The following MELK variants were observed in gnomAD, a reference collection of about 807,000 sequenced individuals.
The protein encoded by MELK is maternal embryonic leucine zipper kinase, also known as pEg3 kinase.
In MELK, 81 loss-of-function variants were observed where a neutral mutation model predicts 85.0. The observed-to-expected ratio is 0.95, with a 90% CI of 0.80 to 1.15. MELK has a LOEUF of 1.15. Ranked by LOEUF, MELK falls within the 50% of genes most tolerant of loss-of-function variation. The pLI, the probability that MELK is intolerant of heterozygous loss-of-function variation, is 0.00. For synonymous variants in MELK, 252 were observed against 265.0 expected (o/e 0.95, Z 0.48); for missense variants, 754 against 777.5 (o/e 0.97, Z 0.36).
At chr9:36,591,158 C>T (rs1281919577) in intron 4 of MELK, among the ~76,000 whole-genome samples, 1 of 152,068 alleles carries the variant, frequency 6.6e-6, no homozygotes, top group Non-Finnish European at 1.5e-5. Context: ...TATAGTAGTA[C>T]ATTGTATTAC....
intron 3 of MELK, among the ~76,000 whole-genome samples, chr9:36,585,587 G>A (rs1699870706): frequency 6.6e-6 from 1 of 152,070 alleles, no homozygotes; most frequent in South Asian, 2.1e-4. Flanking sequence ...GATTACAGGT[G>A]TGAGCTACCA....
chr9:36,674,808 C>G (rs368498914), intron 16 of MELK, 26 bp from the exon 17 acceptor site: 41 of 1,413,442 alleles, frequency 2.9e-5, no homozygotes, highest in South Asian at 7.0e-5. Context: ...AAATTTACTT[C>G]TCATCTCTTC....
At chr9:36,631,654 C>T (rs1292486055) in intron 9 of MELK, among the ~76,000 whole-genome samples, 2 of 152,126 alleles carry the variant, frequency 1.3e-5, no homozygotes, top group Non-Finnish European at 2.9e-5. Context: ...TGGCCCACTA[C>T]AGCCTTGACC....
intron 1 of MELK, among the ~76,000 whole-genome samples, chr9:36,574,506 G>A (rs1821440914): frequency 6.6e-6 from 1 of 151,996 alleles, no homozygotes; most frequent in Admixed American, 6.5e-5. Context: ...GGGAGGCTGA[G>A]GCACGAGCAT....
In MELK at chr9:36,630,235, T is replaced by G. The variant is rs570470981; in HGVS notation, c.667-64T>G. On this transcript the variant is annotated intron_variant, in intron 8 of 17. Coordinates refer to ENST00000298048, the MANE Select transcript of MELK (RefSeq NM_014791.4). ...TTAAAAGTAAACCTCCAGCATGTTA[T>G]TACCTAAGGAATTTGTGTCAAGGCT... is the stretch of plus-strand genomic sequence containing the variant. 21 of 1,208,158 alleles carry G rather than the reference T, an allele frequency of 1.7e-5. No individual in the cohort carries two copies. In the South Asian group the frequency reaches 2.6e-4, roughly 15 times the overall value. 74.8% of individuals were successfully genotyped at this position (1,208,158 alleles called of 1,614,324 possible).
At position 36,633,173 on chromosome 9, in the gene MELK, T is replaced by C. The variant is rs2136568542; in HGVS notation, c.807T>C (p.Tyr269=). The change falls in exon 10 of 18, where the codon TAT becomes TAC. Residue 269 remains tyrosine (Y), a synonymous_variant. Transcript: ENST00000298048. ...CCTGGATCATGCAAGATTACAACTA[T>C]CCTGTTGAGTGGCAAAGCAAGAATC... ...NHPWIMQDYN[Y]PVEWQSKNPF... 2 of 1,600,836 alleles carry C rather than the reference T, an allele frequency of 1.2e-6. No homozygotes were observed. Among genetic ancestry groups the C allele is most frequent in the East Asian group, 4.5e-5 (2 of 44,748 alleles).
intron 8 of MELK, among the ~76,000 whole-genome samples, chr9:36,624,244 C>G (rs1827730048): frequency 6.6e-6 from 1 of 152,074 alleles, no homozygotes; most frequent in Non-Finnish European, 1.5e-5. Flanking sequence ...CCACCACACC[C>G]AGCTAATTTT....
At chr9:36,648,270 T>A (rs574293727) in intron 11 of MELK, among the ~76,000 whole-genome samples, 1 of 152,044 alleles carries the variant, frequency 6.6e-6, no homozygotes, top group Admixed American at 6.6e-5. Flanking sequence ...GTGGTATAAG[T>A]GGTAGTTGTC....
At chr9:36,656,262 C>T (rs1288211156) in intron 12 of MELK, among the ~76,000 whole-genome samples, 1 of 152,142 alleles carries the variant, frequency 6.6e-6, no homozygotes, top group Non-Finnish European at 1.5e-5. Context: ...GAAGTTGTTT[C>T]CCCTCCATCT....
At chr9:36,669,912 A>G (rs1355886188) in intron 15 of MELK, among the ~76,000 whole-genome samples, 1 of 152,108 alleles carries the variant, frequency 6.6e-6, no homozygotes, top group African/African-American at 2.4e-5. Flanking sequence ...AGGGTATTAG[A>G]TGATATTATG....
chr9:36,609,447 CTTTTTTT>C (rs58390406), intron 8 of MELK, among the ~76,000 whole-genome samples: 1 of 132,748 alleles, frequency 7.5e-6, no homozygotes, highest in South Asian at 2.4e-4. Context: ...CTTTCTTCTT[CTTTTTTT>C]TTTTTTTTTT....
At chr9:36,589,705 A>G in intron 4 of MELK, 53 bp downstream of exon 4, 1 of 1,269,676 alleles carries the variant, frequency 7.9e-7, no homozygotes, top group South Asian at 1.2e-5. Flanking sequence ...TATCAATAGT[A>G]AAAGAGAAAA....
Position 36,589,553 on chromosome 9 carries a change from CAAAA to C in MELK, c.163_166del (p.Lys55ArgfsTer6), listed in dbSNP as rs772381339. 6.2e-7 allele frequency: 1 copy of C among 1,613,794 alleles called. No individual in the cohort carries two copies. Among genetic ancestry groups the C allele is most frequent in the East Asian group, 2.2e-5 (1 of 44,880 alleles). On this transcript the variant is annotated frameshift_variant, in exon 4 of 18. Transcript: ENST00000298048. LOFTEE classifies it high-confidence loss of function. ...TGTCACAGAGTGATTTGCCCCGGAT[CAAAA>C]CGGAGATTGAGGCCTTGAAGAACCT...
chr9:36,618,125 T>TAA (rs557742638), intron 8 of MELK, among the ~76,000 whole-genome samples: 6 of 143,330 alleles, frequency 4.2e-5, no homozygotes, highest in South Asian at 4.5e-4. Context: ...TCCATGTCTT[T>TAA]AAAAAAAAAA....
chr9:36,676,387 A>G (rs1486555290), intron 17 of MELK, among the ~76,000 whole-genome samples: 1 of 152,238 alleles, frequency 6.6e-6, no homozygotes, highest in Non-Finnish European at 1.5e-5. Flanking sequence ...TGGTAAGACA[A>G]ACAAAACTCT....
At chr9:36,594,347 T>C (rs1427090079) in intron 4 of MELK, among the ~76,000 whole-genome samples, 3 of 152,234 alleles carry the variant, frequency 2.0e-5, no homozygotes. Context: ...TATAAAAATA[T>C]AAAACCCTGG....
intron 8 of MELK, among the ~76,000 whole-genome samples, chr9:36,618,933 G>A (rs1827119997): frequency 6.6e-6 from 1 of 151,432 alleles, no homozygotes; most frequent in Non-Finnish European, 1.5e-5. Flanking sequence ...CGCCAGTCAA[G>A]AATGAGTGAA....
chr9:36,574,503 T>TG (rs1288886451), intron 1 of MELK, among the ~76,000 whole-genome samples: 1 of 149,456 alleles, frequency 6.7e-6, no homozygotes, highest in Non-Finnish European at 1.5e-5. Flanking sequence ...CTGGGGAGGC[T>TG]GAGGCACGAG....
At chr9:36,639,640 T>C (rs949947642) in intron 10 of MELK, among the ~76,000 whole-genome samples, 3 of 152,232 alleles carry the variant, frequency 2.0e-5, no homozygotes, top group African/African-American at 7.2e-5. Flanking sequence ...GCGCTTTAAG[T>C]ATTGATCCTC....
Sources: allele counts gnomAD v4.1 joint callset (sites outside exome capture counted in the v4.1 genomes callset), GRCh38; gene constraint gnomAD v4.1.1; transcripts MANE v1.5; gene names NCBI Gene and HGNC (gene_info 2026-07-23, HGNC 2026-07-21).